The following FGF13 variants were observed in gnomAD, a reference collection of about 807,000 sequenced individuals.
FGF13 encodes fibroblast growth factor 13.
Under a neutral mutation model 19.5 loss-of-function variants are expected in FGF13, and 2 were observed. The ratio of observed to expected loss-of-function variants is 0.10; its 90% CI spans 0.04 to 0.32. The LOEUF is 0.32. FGF13 is among the 10% of genes least tolerant of loss of function. FGF13 has a pLI of 1.00. For missense variants in FGF13, 113 were observed against 192.7 expected (o/e 0.59, Z 2.45); for synonymous variants, 72 against 76.9 (o/e 0.94, Z 0.33).
chrX:139,020,333 C>T lies in FGF13; in HGVS notation c.-112-155683G>A, dbSNP rs527754545. Among the ~76,000 whole-genome samples, 10 of 111,327 alleles carry T rather than the reference C, an allele frequency of 9.0e-5. No homozygotes were observed. In the South Asian group the frequency reaches 3.8e-3, roughly 42 times the overall value. On this transcript the variant is annotated intron_variant, in intron 1 of 2. Coordinates refer to the FGF13 transcript ENST00000421460. ...CTCTTTCCTCATCTCAAACTACCAGCTTATCAATGTGGCAGCAACACAGCT... is the reference window on the plus strand; with the variant it reads ...CTCTTTCCTCATCTCAAACTACCAGTTTATCAATGTGGCAGCAACACAGCT...
At chrX:139,132,565 T>C (rs2083769234) in intron 1 of FGF13, among the ~76,000 whole-genome samples, 1 of 112,398 alleles carries the variant, frequency 8.9e-6, no homozygotes, top group African/African-American at 3.2e-5. Context: ...TGCACACATC[T>C]GTGAAGAAAT....
intron 1 of FGF13, among the ~76,000 whole-genome samples, chrX:138,894,675 C>T (rs986558321): frequency 8.2e-5 from 9 of 110,427 alleles, no homozygotes; most frequent in Non-Finnish European, 1.9e-5. Context: ...TAATAGCCTA[C>T]CAACCAAAAA....
Position 138,621,523 on chromosome X carries a change from G to A in FGF13, c.*11327C>T, listed in dbSNP as rs1227937981. 1 of 109,956 alleles carries A rather than the reference G, an allele frequency of 9.1e-6. No homozygotes were observed. 9.1% of individuals were successfully genotyped at this position (109,956 alleles called of 1,213,427 possible). A position where few individuals can be genotyped will look rare whatever the true frequency, so the allele number is the denominator to read the frequency against. ...TTAAGAAAAAAAAAATCAAATAAAC[G>A]ACCTAACTTTACACCTCAAGGAACT... On this transcript the variant is annotated 3_prime_UTR_variant, in exon 5 of 5. Coordinates refer to ENST00000315930, the MANE Select transcript of FGF13 (RefSeq NM_004114.5).
intron 1 of FGF13, among the ~76,000 whole-genome samples, chrX:138,946,948 G>A (rs1010298423): frequency 9.8e-5 from 11 of 112,323 alleles, no homozygotes; most frequent in African/African-American, 3.5e-4. Context: ...GACCATTTCA[G>A]TACTGTAAAG....
intron 1 of FGF13, among the ~76,000 whole-genome samples, chrX:138,960,563 T>C (rs1295182659): frequency 8.9e-6 from 1 of 112,010 alleles, no homozygotes; most frequent in Non-Finnish European, 1.9e-5. Flanking sequence ...CCTGCCTTGC[T>C]AGGTTGGGGA....
chrX:138,686,246 T>C (rs890160368), intron 3 of FGF13, among the ~76,000 whole-genome samples: 5 of 111,899 alleles, frequency 4.5e-5, no homozygotes, highest in African/African-American at 1.6e-4. Context: ...CCTATATTCT[T>C]ATTTATAATG....
intron 2 of FGF13, among the ~76,000 whole-genome samples, chrX:138,706,398 CATA>C (rs1038074601): frequency 2.7e-5 from 3 of 111,892 alleles, no homozygotes; most frequent in South Asian, 3.7e-4. Context: ...AGGTGAAATG[CATA>C]ATATCAAACA....
At chrX:138,820,428 C>A (rs767986856) in intron 3 of FGF13, among the ~76,000 whole-genome samples, 1 of 112,021 alleles carries the variant, frequency 8.9e-6, no homozygotes, top group Non-Finnish European at 1.9e-5. Flanking sequence ...ACTTTTTCTG[C>A]AAAAGGCAAG....
chrX:139,158,211 A>ATTTTTT (rs34372473), intron 1 of FGF13, among the ~76,000 whole-genome samples: 1 of 101,942 alleles, frequency 9.8e-6, no homozygotes, highest in African/African-American at 3.6e-5. Flanking sequence ...TAGCTGCAGC[A>ATTTTTT]TTTTTTTTTT....
At chrX:139,086,547 T>A (rs2083404810) in intron 1 of FGF13, among the ~76,000 whole-genome samples, 1 of 111,220 alleles carries the variant, frequency 9.0e-6, no homozygotes, top group Non-Finnish European at 1.9e-5. Flanking sequence ...GCTAGAAGAG[T>A]TGAAATATTC....
intron 1 of FGF13, among the ~76,000 whole-genome samples, chrX:138,940,926 T>C (rs997567050): frequency 9.0e-6 from 1 of 111,727 alleles, no homozygotes; most frequent in Admixed American, 9.6e-5. Context: ...TTTGATTTCC[T>C]ATGAATTTTA....
chrX:138,932,516 CG>C (rs1306756822), intron 1 of FGF13, among the ~76,000 whole-genome samples: 2 of 96,815 alleles, frequency 2.1e-5, no homozygotes, highest in South Asian at 5.4e-4. Context: ...CGCGGGAGGG[CG>C]GGGGGTGGGG....
chrX:139,040,278 G>A (rs1177237331), intron 1 of FGF13, among the ~76,000 whole-genome samples: 2 of 111,906 alleles, frequency 1.8e-5, no homozygotes, highest in African/African-American at 6.5e-5. Context: ...TCTAATCACT[G>A]TAGTAACTAA....
intron 3 of FGF13, among the ~76,000 whole-genome samples, chrX:138,751,505 C>G (rs898391663): frequency 9.0e-6 from 1 of 111,704 alleles, no homozygotes; most frequent in African/African-American, 3.3e-5. Context: ...CTAAGTGTGT[C>G]TTGGTCTTGC....
intron 1 of FGF13, among the ~76,000 whole-genome samples, chrX:138,904,978 T>C (rs116353219): frequency 0.027 from 3,008 of 111,854 alleles, 102 homozygotes; most frequent in African/African-American, 0.093. Context: ...TTGAAAAGGA[T>C]TTTGAAATCT....
chrX:139,099,321 C>A (rs1381224042), intron 1 of FGF13, among the ~76,000 whole-genome samples: 1 of 99,850 alleles, frequency 1.0e-5, no homozygotes, highest in Non-Finnish European at 2.0e-5. Flanking sequence ...CTATCCACAA[C>A]TGGTTCTGTC....
chrX:139,200,663 T>C (rs967724800), intron 1 of FGF13, among the ~76,000 whole-genome samples: 3 of 111,926 alleles, frequency 2.7e-5, no homozygotes, highest in African/African-American at 9.7e-5. Context: ...AAGGAAAGGG[T>C]TGTTGAAAAG....
intron 1 of FGF13, among the ~76,000 whole-genome samples, chrX:139,084,305 G>A (rs1431383245): frequency 9.0e-6 from 1 of 111,474 alleles, no homozygotes; most frequent in African/African-American, 3.3e-5. Flanking sequence ...TGTCATTGGT[G>A]AATATAACAT....
chrX:138,958,732 T>A (rs2091854101), intron 1 of FGF13, among the ~76,000 whole-genome samples: 1 of 111,903 alleles, frequency 8.9e-6, no homozygotes, highest in Admixed American at 9.5e-5. Context: ...ATTCAACTTC[T>A]TCCTGGTTTA....
Sources: gnomAD v4.1 joint callset for allele counts (sites outside exome capture counted in the v4.1 genomes callset) on GRCh38, gnomAD v4.1.1 for gene constraint, MANE v1.5 for transcripts, NCBI Gene and HGNC (gene_info 2026-07-23, HGNC 2026-07-21) for gene names.